PTPRD: variants seen among roughly 807,000 people sequenced by gnomAD.
PTPRD encodes the protein protein tyrosine phosphatase receptor type D.
In PTPRD, 34 loss-of-function variants were observed where a neutral mutation model predicts 214.5. The ratio of observed to expected loss-of-function variants is 0.16; its 90% CI spans 0.12 to 0.21. The LOEUF (loss-of-function observed/expected upper bound fraction) is 0.21. Among genes scored for constraint, PTPRD ranks in the 10% least tolerant of loss-of-function variants. PTPRD has a pLI of 1.00. For missense variants in PTPRD, 2,545 were observed against 2,398.7 expected, an observed-to-expected ratio of 1.06 and a Z score of -1.27; for synonymous variants, 1,128 against 845.7, an observed-to-expected ratio of 1.33 and a Z score of -5.79.
intron 3 of PTPRD, among the ~76,000 whole-genome samples, chr9:10,209,427 A>G (rs1035160284): frequency 1.3e-5 from 2 of 152,162 alleles, no homozygotes; most frequent in Non-Finnish European, 2.9e-5. Context: ...GAATTTCTTC[A>G]TTTAGAACAT....
chr9:9,731,113 C>T (rs1482707609), intron 7 of PTPRD, among the ~76,000 whole-genome samples: 1 of 151,964 alleles, frequency 6.6e-6, no homozygotes, highest in Non-Finnish European at 1.5e-5. Flanking sequence ...ATTTTACCTG[C>T]TATGTAGGAA....
At chr9:9,011,839 G>C (rs973760166) in intron 11 of PTPRD, among the ~76,000 whole-genome samples, 1 of 152,152 alleles carries the variant, frequency 6.6e-6, no homozygotes, top group Non-Finnish European at 1.5e-5. Flanking sequence ...GTGGCAAAGA[G>C]ACTCTAAGGT....
chr9:10,312,559 T>C (rs1407451124), intron 3 of PTPRD, among the ~76,000 whole-genome samples: 1 of 151,998 alleles, frequency 6.6e-6, no homozygotes, highest in Non-Finnish European at 1.5e-5. Flanking sequence ...AAGAAAAGAT[T>C]TGCCTGCATC....
intron 3 of PTPRD, among the ~76,000 whole-genome samples, chr9:10,152,262 G>A (rs947379217): frequency 6.6e-6 from 1 of 151,984 alleles, no homozygotes; most frequent in Middle Eastern, 3.4e-3. Context: ...ATCTGTATTT[G>A]CCTAGTGAAA....
chr9:9,333,721 A>G (rs1040853103), intron 9 of PTPRD, among the ~76,000 whole-genome samples: 1 of 151,660 alleles, frequency 6.6e-6, no homozygotes, highest in Non-Finnish European at 1.5e-5. Flanking sequence ...CAACTCCAAT[A>G]TTAACCAATA....
chr9:10,055,278 A>C (rs1347075875), intron 3 of PTPRD, among the ~76,000 whole-genome samples: 1 of 152,128 alleles, frequency 6.6e-6, no homozygotes, highest in Non-Finnish European at 1.5e-5. Context: ...GACACTCACT[A>C]TACTAATGAT....
At chr9:9,750,642 T>G (rs1378891261) in intron 6 of PTPRD, among the ~76,000 whole-genome samples, 2 of 152,170 alleles carry the variant, frequency 1.3e-5, no homozygotes, top group Non-Finnish European at 2.9e-5. Flanking sequence ...TATGTGTGTG[T>G]GTGCATAGTT....
At chr9:8,364,572 C>A (rs886104197) in intron 39 of PTPRD, among the ~76,000 whole-genome samples, 4 of 152,210 alleles carry the variant, frequency 2.6e-5, no homozygotes, top group Non-Finnish European at 4.4e-5. Context: ...GCGGCAGATA[C>A]ACAAGGCAGC....
intron 11 of PTPRD, among the ~76,000 whole-genome samples, chr9:9,000,873 T>C (rs1195256327): frequency 6.6e-6 from 1 of 151,822 alleles, no homozygotes; most frequent in African/African-American, 2.4e-5. Flanking sequence ...AATAACCAGG[T>C]GGATTTTGGC....
At chr9:9,360,326 T>A (rs2055591433) in intron 9 of PTPRD, among the ~76,000 whole-genome samples, 1 of 151,228 alleles carries the variant, frequency 6.6e-6, no homozygotes, top group African/African-American at 2.4e-5. Flanking sequence ...TACCTCAATT[T>A]AACAGAAGCA....
chr9:9,379,467 A>T (rs1311291611), intron 9 of PTPRD, among the ~76,000 whole-genome samples: 2 of 151,864 alleles, frequency 1.3e-5, no homozygotes, highest in Non-Finnish European at 2.9e-5. Flanking sequence ...AAGTCAGGTA[A>T]TATCAGTCCT....
At chr9:8,656,127 C>A (rs1164674721) in intron 12 of PTPRD, among the ~76,000 whole-genome samples, 5 of 152,136 alleles carry the variant, frequency 3.3e-5, no homozygotes, top group African/African-American at 1.2e-4. Flanking sequence ...CAACAGCCCC[C>A]CACAACTGAA....
At chr9:10,516,564 GT>G (rs756213385) in intron 2 of PTPRD, among the ~76,000 whole-genome samples, 2 of 151,798 alleles carry the variant, frequency 1.3e-5, no homozygotes, top group Non-Finnish European at 2.9e-5. Context: ...TGTGTAAAAG[GT>G]TTTTAGTTTT....
chr9:8,813,665 G>A (rs546418288), intron 11 of PTPRD, among the ~76,000 whole-genome samples: 13 of 152,266 alleles, frequency 8.5e-5, no homozygotes, highest in South Asian at 8.3e-4. Context: ...GAGCCACCGC[G>A]CCGGGCCTTC....
chr9:9,553,880 T>C (rs111595322), intron 8 of PTPRD, among the ~76,000 whole-genome samples: 2 of 152,074 alleles, frequency 1.3e-5, no homozygotes, highest in East Asian at 3.9e-4. Context: ...TATTGGGCCC[T>C]ACTGGAGTGA....
chr9:8,815,281 G>T (rs1470990459), intron 11 of PTPRD, among the ~76,000 whole-genome samples: 1 of 151,842 alleles, frequency 6.6e-6, no homozygotes, highest in East Asian at 1.9e-4. Context: ...AAATTTAACT[G>T]GCTTACCTTT....
At chr9:8,825,085 G>C (rs1231860991) in intron 11 of PTPRD, among the ~76,000 whole-genome samples, 2 of 152,112 alleles carry the variant, frequency 1.3e-5, no homozygotes. Context: ...GCCCTGCCAT[G>C]AGTTTGTACC....
At chr9:9,866,240 T>C (rs2063917166) in intron 5 of PTPRD, among the ~76,000 whole-genome samples, 1 of 152,342 alleles carries the variant, frequency 6.6e-6, no homozygotes, top group African/African-American at 2.4e-5. Context: ...ATATATGTCA[T>C]AGCCTTAATC....
chr9:9,045,831 G>T (rs956110637), intron 10 of PTPRD, among the ~76,000 whole-genome samples: 8 of 152,114 alleles, frequency 5.3e-5, no homozygotes, highest in African/African-American at 1.9e-4. Flanking sequence ...ACTGCAAAAT[G>T]CTTGAGATAT....
Sources: gnomAD v4.1 joint callset for allele counts (sites outside exome capture counted in the v4.1 genomes callset) on GRCh38, gnomAD v4.1.1 for gene constraint, MANE v1.5 for transcripts, NCBI Gene and HGNC (gene_info 2026-07-23, HGNC 2026-07-21) for gene names.